The following DCC variants were observed in gnomAD, a reference collection of about 807,000 sequenced individuals.
DCC encodes the protein netrin receptor DCC.
In DCC, 58 loss-of-function variants were observed where a neutral mutation model predicts 172.5. The ratio of observed to expected loss-of-function variants is 0.34; its 90% CI spans 0.27 to 0.42. The LOEUF is 0.42. Among genes scored for constraint, DCC ranks in the 10% least tolerant of loss-of-function variants. The pLI, the probability that DCC is intolerant of heterozygous loss-of-function variation, is 1.00. For missense variants in DCC, 1,740 were observed against 1,791.0 expected (o/e 0.97, Z 0.51); for synonymous variants, 709 against 644.5 (o/e 1.10, Z -1.52).
Position 53,207,688 on chromosome 18 carries a change from G to A in DCC, c.1732G>A (p.Val578Ile), listed in dbSNP as rs1187262857. 1 of 1,613,530 alleles carries A rather than the reference G, an allele frequency of 6.2e-7. No individual in the cohort carries two copies. Residue 578 changes from valine (V) to isoleucine (I), a missense_variant, in exon 11 of 29, where the codon GTT (valine) becomes ATT (isoleucine). Coordinates refer to ENST00000442544, the MANE Select transcript of DCC (RefSeq NM_005215.4). ...VSTGKEQNIE[V>I]DGLSYKLEGL... ...TGTTTTATGTCTCCAGAATATAGAGGTTGATGGACTATCTTATAAACTGGA... is the reference window on the plus strand; with the variant it reads ...TGTTTTATGTCTCCAGAATATAGAGATTGATGGACTATCTTATAAACTGGA...
At chr18:52,690,719 C>A (rs1165112654) in intron 1 of DCC, among the ~76,000 whole-genome samples, 2 of 152,008 alleles carry the variant, frequency 1.3e-5, no homozygotes, top group African/African-American at 2.4e-5. Context: ...TTTATGGAAA[C>A]AAATACAAAG....
intron 1 of DCC, among the ~76,000 whole-genome samples, chr18:52,385,196 T>A (rs997859518): frequency 1.2e-4 from 18 of 152,166 alleles, no homozygotes; most frequent in African/African-American, 4.3e-4. Flanking sequence ...GGTGCTCTAT[T>A]TTCTTGTCCC....
chr18:52,884,230 G>T (rs115968572), intron 2 of DCC, among the ~76,000 whole-genome samples: 450 of 151,986 alleles, frequency 3.0e-3, no homozygotes, highest in African/African-American at 9.9e-3. Context: ...CTTGAATATT[G>T]ATATATTTAT....
At position 52,512,994 on chromosome 18, in the gene DCC, G is replaced by A. The variant is rs138773253; in HGVS notation, c.91+172116G>A. Among the ~76,000 whole-genome samples the A allele has an allele frequency of 4.4e-3, 667 of 152,298 alleles. 3 individuals carry two copies. The highest frequency in any genetic ancestry group is 8.1e-3 in the Non-Finnish European group (551 of 68,020). On this transcript the variant is annotated intron_variant, in intron 1 of 28. Coordinates refer to ENST00000442544, the MANE Select transcript of DCC (RefSeq NM_005215.4). The stretch of plus-strand genomic sequence containing the variant: ...GCTTATACCAATAGAGAGGGAGCTA[G>A]GAGTAGAAAATATAGATCCTTGTGG...
At chr18:53,021,758 T>C (rs1423053842) in intron 5 of DCC, among the ~76,000 whole-genome samples, 4 of 152,308 alleles carry the variant, frequency 2.6e-5, no homozygotes, top group Non-Finnish European at 4.4e-5. Context: ...CACTGTTAAT[T>C]CTAGCTGTAG....
chr18:52,694,881 C>T (rs978253141), intron 1 of DCC, among the ~76,000 whole-genome samples: 2 of 152,164 alleles, frequency 1.3e-5, no homozygotes, highest in Non-Finnish European at 2.9e-5. Flanking sequence ...TCTACTGGTT[C>T]TCTGTATGTA....
chr18:53,401,659 G>T (rs1909303894), intron 18 of DCC, among the ~76,000 whole-genome samples: 1 of 145,882 alleles, frequency 6.9e-6, no homozygotes, highest in African/African-American at 2.5e-5. Flanking sequence ...TTTATGTGGA[G>T]ACCAGGAAAT....
At chr18:52,673,478 A>G (rs1809191014) in intron 1 of DCC, among the ~76,000 whole-genome samples, 1 of 152,208 alleles carries the variant, frequency 6.6e-6, no homozygotes, top group Non-Finnish European at 1.5e-5. Context: ...AAAGAATACC[A>G]TAGAAAAGTG....
At chr18:53,382,182 A>C (rs897320057) in intron 15 of DCC, among the ~76,000 whole-genome samples, 2 of 151,772 alleles carry the variant, frequency 1.3e-5, no homozygotes, top group Non-Finnish European at 1.5e-5. Flanking sequence ...GATAGATGCA[A>C]ATACGGAGAT....
rs556213909 is a variant in DCC, at chr18:53,507,579, G to A, written c.4111+8069G>A. 7.9e-5 allele frequency among the ~76,000 whole-genome samples: 12 copies of A among 152,220 alleles called. No individual in the cohort carries two copies. In the South Asian group the frequency reaches 2.1e-3, roughly 26 times the overall value. On this transcript the variant is annotated intron_variant, in intron 27 of 28. Transcript: ENST00000442544. ...TATCTCCAGGATCTCCTTATTTACC[G>A]GAATATCAAGGCTCTTAGAGGAGAA...
chr18:52,590,270 C>T (rs1468436320), intron 1 of DCC, among the ~76,000 whole-genome samples: 3 of 151,872 alleles, frequency 2.0e-5, no homozygotes. Flanking sequence ...AGAATGAGAT[C>T]TAAGGACATC....
chr18:52,409,902 A>G (rs1986786585), intron 1 of DCC, among the ~76,000 whole-genome samples: 1 of 152,118 alleles, frequency 6.6e-6, no homozygotes, highest in African/African-American at 2.4e-5. Context: ...CAGGTCAACA[A>G]TAGAATCTAA....
intron 26 of DCC, among the ~76,000 whole-genome samples, chr18:53,498,163 C>T (rs1194673299): frequency 6.6e-6 from 1 of 152,148 alleles, no homozygotes; most frequent in Admixed American, 6.5e-5. Flanking sequence ...ATGTCTTGAT[C>T]TTTTGTATCT....
At chr18:53,342,050 G>A (rs2057665570) in intron 15 of DCC, among the ~76,000 whole-genome samples, 1 of 151,914 alleles carries the variant, frequency 6.6e-6, no homozygotes. Context: ...TAAGCATAGG[G>A]TCAGCCATAA....
chr18:52,823,106 A>G (rs905634005), intron 2 of DCC, among the ~76,000 whole-genome samples: 1 of 152,190 alleles, frequency 6.6e-6, no homozygotes, highest in Non-Finnish European at 1.5e-5. Flanking sequence ...TCCAACAGGC[A>G]ATACCTCTGA....
chr18:52,880,778 T>G (rs942853795), intron 2 of DCC, among the ~76,000 whole-genome samples: 1 of 152,220 alleles, frequency 6.6e-6, no homozygotes, highest in African/African-American at 2.4e-5. Flanking sequence ...GACACTCAAG[T>G]TGCTTCCAAA....
chr18:52,931,345 C>T (rs2040304352), intron 5 of DCC, among the ~76,000 whole-genome samples: 1 of 152,050 alleles, frequency 6.6e-6, no homozygotes, highest in Admixed American at 6.6e-5. Flanking sequence ...AGAATTTAAT[C>T]ATATTTGTAT....
Position 53,022,539 on chromosome 18 carries a change from A to ACG in DCC, c.986-40766_986-40765insCG, listed in dbSNP as rs1555697203. Reference sequence around the variant, plus strand: ...TATGTTCAGTATTTTTTATATATATATGTGCGTGTGTGTGTGTGTGTGTGT... The same window carrying ACG: ...TATGTTCAGTATTTTTTATATATATACGTGTGCGTGTGTGTGTGTGTGTGTGT... On this transcript the variant is annotated intron_variant, in intron 5 of 28. Coordinates refer to ENST00000442544, the MANE Select transcript of DCC (RefSeq NM_005215.4). 5.8e-3 allele frequency among the ~76,000 whole-genome samples: 677 copies of ACG among 117,704 alleles called. 7 individuals carry two copies. Among genetic ancestry groups the ACG allele is most frequent in the African/African-American group, 0.017 (643 of 37,682 alleles). 77.2% of individuals were successfully genotyped at this position (117,704 alleles called of 152,430 possible).
chr18:53,215,421 G>C (rs2144578561), intron 11 of DCC, 127 bp from the exon 12 acceptor site: 1 of 803,850 alleles, frequency 1.2e-6, no homozygotes, highest in Non-Finnish European at 2.2e-6. Context: ...AGTACTACCT[G>C]GGTTAACCTA....
Sources: gnomAD v4.1 joint callset for allele counts (sites outside exome capture counted in the v4.1 genomes callset) on GRCh38, gnomAD v4.1.1 for gene constraint, MANE v1.5 for transcripts, NCBI Gene and HGNC (gene_info 2026-07-23, HGNC 2026-07-21) for gene names.